The following ANK1 variants were observed in gnomAD, a reference collection of about 807,000 sequenced individuals.
The protein encoded by ANK1 is ankyrin 1.
In ANK1, 51 loss-of-function variants were observed where a neutral mutation model predicts 210.4. The observed-to-expected ratio is 0.24, with a 90% CI of 0.19 to 0.31. The LOEUF (loss-of-function observed/expected upper bound fraction) is 0.31, where lower values mean the gene tolerates loss of function less well. ANK1 is among the 10% of genes least tolerant of loss of function. The probability of loss-of-function intolerance (pLI) is 1.00; values close to 1 mark genes in which losing one functional copy is unlikely to be tolerated. For synonymous variants in ANK1, 967 were observed against 1,025.9 expected, an observed-to-expected ratio of 0.94 and a Z score of 1.10; for missense variants, 2,051 against 2,504.4, an observed-to-expected ratio of 0.82 and a Z score of 3.86.
intron 1 of ANK1, among the ~76,000 whole-genome samples, chr8:41,866,253 G>A (rs373229651): frequency 2.6e-4 from 40 of 152,348 alleles, no homozygotes; most frequent in African/African-American, 9.4e-4. Flanking sequence ...GCAATGGCGT[G>A]ATCACAGCTC....
chr8:41,717,365 G>T (rs1827980207), intron 12 of ANK1, among the ~76,000 whole-genome samples: 2 of 152,234 alleles, frequency 1.3e-5, no homozygotes, highest in Admixed American at 6.5e-5. Context: ...TATTCCCAGT[G>T]AACACTTACA....
At chr8:41,823,336 A>G (rs11784438) in intron 1 of ANK1, among the ~76,000 whole-genome samples, 38,525 of 152,138 alleles carry the variant, frequency 0.25, 6,297 homozygotes, top group Non-Finnish European at 0.35. Context: ...GAGAAGAAAC[A>G]GACATATTTA....
At chr8:41,793,292 A>G (rs1848121777) in intron 1 of ANK1, among the ~76,000 whole-genome samples, 1 of 152,200 alleles carries the variant, frequency 6.6e-6, no homozygotes, top group Admixed American at 6.5e-5. Context: ...AGGAAGGAGG[A>G]TCACTTGAGC....
At chr8:41,790,609 G>C (rs1441015077) in intron 1 of ANK1, among the ~76,000 whole-genome samples, 1 of 150,970 alleles carries the variant, frequency 6.6e-6, no homozygotes, top group East Asian at 1.9e-4. Context: ...CCTGGCGTTT[G>C]CCTAATCCTC....
chr8:41,695,032 G>T, intron 27 of ANK1, 145 bp downstream of exon 27: 1 of 1,186,706 alleles, frequency 8.4e-7, no homozygotes. Flanking sequence ...ACATCCTGGG[G>T]ACCCAGGGCT....
At chr8:41,697,807 G>C (rs1185977415) in intron 24 of ANK1, 9 of 610,126 alleles carry the variant, frequency 1.5e-5, no homozygotes, top group Non-Finnish European at 2.1e-5. Flanking sequence ...TGCATCCAAG[G>C]ACTGCGCCAC....
chr8:41,698,637 T>A (rs1047576630), intron 23 of ANK1, among the ~76,000 whole-genome samples: 4 of 152,086 alleles, frequency 2.6e-5, no homozygotes, highest in African/African-American at 9.7e-5. Flanking sequence ...TGCCCCACAG[T>A]GAGATAACTC....
intron 9 of ANK1, among the ~76,000 whole-genome samples, chr8:41,720,904 A>G (rs539313449): frequency 6.6e-6 from 1 of 152,268 alleles, no homozygotes; most frequent in Non-Finnish European, 1.5e-5. Context: ...CCAAGCATGG[A>G]GTCAGGCTGG....
At chr8:41,883,643 A>G (rs1322174201) in intron 1 of ANK1, among the ~76,000 whole-genome samples, 2 of 152,104 alleles carry the variant, frequency 1.3e-5, no homozygotes, top group African/African-American at 4.8e-5. Flanking sequence ...AATTTTTTGT[A>G]GAGATGGGGT....
intron 1 of ANK1, among the ~76,000 whole-genome samples, chr8:41,856,768 A>G (rs1027018989): frequency 2.6e-5 from 4 of 151,486 alleles, no homozygotes; most frequent in Admixed American, 2.0e-4. Flanking sequence ...CCAAAATCCA[A>G]AAAAAAAATT....
chr8:41,724,600 T>A, intron 6 of ANK1, 46 bp from the exon 7 acceptor site: 1 of 1,527,026 alleles, frequency 6.5e-7, no homozygotes, highest in Non-Finnish European at 8.9e-7. Flanking sequence ...GTGATTTACT[T>A]CTATCTCAGA....
chr8:41,790,390 G>C (rs1175729450), intron 1 of ANK1, among the ~76,000 whole-genome samples: 2 of 152,004 alleles, frequency 1.3e-5, no homozygotes, highest in African/African-American at 4.8e-5. Flanking sequence ...CAGGTGATCC[G>C]CTCAGCTCAG....
intron 1 of ANK1, among the ~76,000 whole-genome samples, chr8:41,786,210 G>C (rs1586936504): frequency 6.6e-6 from 1 of 152,186 alleles, no homozygotes; most frequent in Non-Finnish European, 1.5e-5. Flanking sequence ...GGAGGAGCTC[G>C]CGTCTTGCCA....
chr8:41,889,966 T>C (rs1360482628), intron 1 of ANK1, among the ~76,000 whole-genome samples: 1 of 152,224 alleles, frequency 6.6e-6, no homozygotes, highest in Non-Finnish European at 1.5e-5. Flanking sequence ...AATGAAGATA[T>C]GATTTAAAGT....
intron 2 of ANK1, among the ~76,000 whole-genome samples, chr8:41,756,701 C>CTGGAG (rs1237503755): frequency 6.6e-6 from 1 of 152,232 alleles, no homozygotes; most frequent in East Asian, 1.9e-4. Context: ...CCTCAGCCTC[C>CTGGAG]TGGAGTGCTG....
chr8:41,885,038 A>C (rs1450180126), intron 1 of ANK1, among the ~76,000 whole-genome samples: 1 of 151,984 alleles, frequency 6.6e-6, no homozygotes, highest in Non-Finnish European at 1.5e-5. Context: ...TTCGGAAGGG[A>C]AGTGACAACT....
At chr8:41,868,266 G>A (rs1814850514) in intron 1 of ANK1, among the ~76,000 whole-genome samples, 2 of 152,220 alleles carry the variant, frequency 1.3e-5, no homozygotes, top group Admixed American at 1.3e-4. Context: ...GCTGTAGGGG[G>A]CCATCCTGCA....
At chr8:41,788,461 C>T (rs1269831752) in intron 1 of ANK1, among the ~76,000 whole-genome samples, 1 of 151,968 alleles carries the variant, frequency 6.6e-6, no homozygotes, top group Non-Finnish European at 1.5e-5. Flanking sequence ...ACCAGAACTA[C>T]ATCTCAGACC....
intron 38 of ANK1, among the ~76,000 whole-genome samples, chr8:41,669,571 A>T (rs1170144140): frequency 6.6e-6 from 1 of 152,068 alleles, no homozygotes; most frequent in Non-Finnish European, 1.5e-5. Flanking sequence ...CTTCTCCCCT[A>T]GCCTGTCCCA....
Sources: allele counts gnomAD v4.1 joint callset (sites outside exome capture counted in the v4.1 genomes callset), GRCh38; gene constraint gnomAD v4.1.1; transcripts MANE v1.5; gene names NCBI Gene and HGNC (gene_info 2026-07-23, HGNC 2026-07-21).